Variants in TPP2 observed in about 807,000 individuals in gnomAD.
TPP2 encodes the protein tripeptidyl peptidase 2.
In TPP2, 34 loss-of-function variants were observed where a neutral mutation model predicts 155.9. The observed-to-expected ratio is 0.22, with a 90% CI of 0.17 to 0.29. TPP2 has a LOEUF of 0.29. Among genes scored for constraint, TPP2 ranks in the 10% least tolerant of loss-of-function variants. The pLI is 1.00. For synonymous variants in TPP2, 510 were observed against 529.4 expected (o/e 0.96, Z 0.50); for missense variants, 1,028 against 1,522.3 (o/e 0.68, Z 5.40).
chr13:102,648,883 C>G (rs1245692833), intron 21 of TPP2, 24 bp from the exon 22 acceptor site: 1 of 1,563,126 alleles, frequency 6.4e-7, no homozygotes, highest in Non-Finnish European at 8.6e-7. Flanking sequence ...TTAACTTTTC[C>G]CAAATGTTGT....
At chr13:102,601,674 A>T (rs1338649898) in intron 1 of TPP2, among the ~76,000 whole-genome samples, 1 of 152,148 alleles carries the variant, frequency 6.6e-6, no homozygotes, top group Admixed American at 6.5e-5. Context: ...CTCAGAGATG[A>T]GTGATATAGT....
chr13:102,661,610 TG>T (rs888299409), intron 25 of TPP2, among the ~76,000 whole-genome samples: 42 of 152,274 alleles, frequency 2.8e-4, no homozygotes, highest in African/African-American at 9.9e-4. Flanking sequence ...ATTTTTTAAA[TG>T]GGTGAGTAAT....
chr13:102,617,143 C>T (rs1021958196), intron 4 of TPP2, among the ~76,000 whole-genome samples: 1 of 151,882 alleles, frequency 6.6e-6, no homozygotes, highest in South Asian at 2.1e-4. Context: ...CTTGAACTCC[C>T]AACCTTGTGA....
At chr13:102,613,442 T>C (rs7328944) in intron 2 of TPP2, among the ~76,000 whole-genome samples, 38,140 of 152,140 alleles carry the variant, frequency 0.25, 5,390 homozygotes, top group East Asian at 0.45. Flanking sequence ...ATATGAATAC[T>C]CTACATTTTC....
At chr13:102,612,408 C>T (rs948586493) in intron 2 of TPP2, among the ~76,000 whole-genome samples, 8 of 152,130 alleles carry the variant, frequency 5.3e-5, no homozygotes, top group African/African-American at 9.7e-5. Context: ...AAAAAGATTA[C>T]GTGTATCATA....
At position 102,647,334 on chromosome 13, in the gene TPP2, A is replaced by G; in HGVS notation, c.2618A>G (p.Tyr873Cys). 3.7e-6 allele frequency: 6 copies of G among 1,611,304 alleles called. No individual in the cohort carries two copies. Among genetic ancestry groups the G allele is most frequent in the Non-Finnish European group, 5.1e-6 (6 of 1,179,310 alleles). Residue 873 changes from tyrosine to cysteine, a missense_variant, in exon 21 of 30, where the codon TAT (tyrosine) becomes TGT (cysteine). This residue lies in a region of TPP2 where 179 missense variants were observed against 274.7 expected (regional missense o/e 0.65). Coordinates refer to ENST00000376052, the MANE Select transcript of TPP2 (RefSeq NM_001330588.2). Reference sequence around the variant, plus strand: ...AGACAGATGGGTTCAGGCGATGCCTATCCACATCAGGTATAAAATTGATGG... The same window carrying G: ...AGACAGATGGGTTCAGGCGATGCCTGTCCACATCAGGTATAAAATTGATGG... ...NKRQMGSGDA[Y>C]PHQYSLKLEK...
At chr13:102,634,298 C>T (rs1014503379) in intron 11 of TPP2, among the ~76,000 whole-genome samples, 200 bp downstream of exon 11, 9 of 152,126 alleles carry the variant, frequency 5.9e-5, no homozygotes, top group South Asian at 2.1e-4. Context: ...CCGCTGTTAA[C>T]GACTGTCAAG....
chr13:102,644,865 T>C (rs1882998584), intron 18 of TPP2, 44 bp from the exon 19 acceptor site: 3 of 1,602,764 alleles, frequency 1.9e-6, no homozygotes, highest in Non-Finnish European at 2.6e-6. Flanking sequence ...ATATTGCTTA[T>C]TTTTAGTAAA....
At chr13:102,601,049 C>T (rs191945062) in intron 1 of TPP2, among the ~76,000 whole-genome samples, 2 of 152,186 alleles carry the variant, frequency 1.3e-5, no homozygotes, top group Non-Finnish European at 2.9e-5. Context: ...TGCCACCATA[C>T]CCAGCTAATT....
At chr13:102,643,637 A>G (rs1882912863) in intron 17 of TPP2, among the ~76,000 whole-genome samples, 1 of 152,208 alleles carries the variant, frequency 6.6e-6, no homozygotes, top group South Asian at 2.1e-4. Context: ...CGTGCCTTGT[A>G]GTTAGGACCC....
chr13:102,613,914 T>G (rs1032771411), intron 2 of TPP2, among the ~76,000 whole-genome samples, 187 bp from the exon 3 acceptor site: 3 of 152,184 alleles, frequency 2.0e-5, no homozygotes. Context: ...TATTTATGGA[T>G]GAGAAAAAAG....
intron 5 of TPP2, among the ~76,000 whole-genome samples, 161 bp downstream of exon 5, chr13:102,619,007 G>A (rs957407399): frequency 4.6e-5 from 7 of 152,128 alleles, no homozygotes; most frequent in African/African-American, 1.7e-4. Flanking sequence ...TTTTGGACAA[G>A]CCCCTTGAAC....
At chr13:102,597,664 CTTTTATCATTGGGGTGGGGTGG>C (rs1378219231) in intron 1 of TPP2, among the ~76,000 whole-genome samples, 1,628 of 152,340 alleles carry the variant, frequency 0.011, 35 homozygotes, top group African/African-American at 0.036. Context: ...AATTTTACAG[CTTTTATCATTGGGGTGGGGTGG>C]AGACACCAGA....
chr13:102,620,659 A>G (rs1209028079), intron 5 of TPP2, among the ~76,000 whole-genome samples: 1 of 152,204 alleles, frequency 6.6e-6, no homozygotes, highest in Admixed American at 6.5e-5. Context: ...TCTCCCTGCC[A>G]CATTTCTGCT....
intron 25 of TPP2, among the ~76,000 whole-genome samples, chr13:102,657,720 A>G (rs1206242740): frequency 6.6e-6 from 1 of 152,148 alleles, no homozygotes; most frequent in Non-Finnish European, 1.5e-5. Flanking sequence ...GCTTTTCTTC[A>G]TGATGCTGCG....
intron 21 of TPP2, among the ~76,000 whole-genome samples, chr13:102,648,686 G>A (rs1480967109): frequency 2.0e-5 from 3 of 152,076 alleles, no homozygotes; most frequent in Admixed American, 2.0e-4. Flanking sequence ...TTTACTCTGT[G>A]TGATGTTAGG....
At chr13:102,646,469 A>C in intron 20 of TPP2, 79 bp downstream of exon 20, 1 of 1,104,610 alleles carries the variant, frequency 9.1e-7, no homozygotes, top group Non-Finnish European at 1.3e-6. Context: ...CAAAAATGGA[A>C]GGACAGTGTA....
At chr13:102,672,547 A>G (rs970879851) in intron 27 of TPP2, among the ~76,000 whole-genome samples, 2 of 152,040 alleles carry the variant, frequency 1.3e-5, no homozygotes, top group Non-Finnish European at 2.9e-5. Flanking sequence ...ACTTTTACCC[A>G]CCACCCTGAC....
chr13:102,666,028 G>C (rs547797648), intron 27 of TPP2, among the ~76,000 whole-genome samples: 15 of 152,142 alleles, frequency 9.9e-5, no homozygotes, highest in African/African-American at 2.9e-4. Context: ...TTTTGTTGTT[G>C]TTGTTAATAA....
Sources: gnomAD v4.1 joint callset for allele counts (sites outside exome capture counted in the v4.1 genomes callset) on GRCh38, gnomAD v4.1.1 for gene constraint, gnomAD v4.1.1 regional missense constraint, MANE v1.5 for transcripts, NCBI Gene and HGNC (gene_info 2026-07-23, HGNC 2026-07-21) for gene names.